The following GPHN variants were observed in gnomAD, a reference collection of about 807,000 sequenced individuals.
The protein encoded by GPHN is gephyrin.
Under a neutral mutation model 95.5 loss-of-function variants are expected in GPHN, and 17 were observed. The ratio of observed to expected loss-of-function variants is 0.18; its 90% CI spans 0.12 to 0.27. The LOEUF is 0.27. Ranked by LOEUF, GPHN falls within the 10% of genes least tolerant of loss-of-function variation. The pLI is 1.00. For missense variants in GPHN, 660 were observed against 978.1 expected, an observed-to-expected ratio of 0.67 and a Z score of 4.34; for synonymous variants, 320 against 322.5, an observed-to-expected ratio of 0.99 and a Z score of 0.08.
intron 8 of GPHN, among the ~76,000 whole-genome samples, chr14:66,933,109 A>G (rs2066914857): frequency 6.6e-6 from 1 of 152,242 alleles, no homozygotes; most frequent in African/African-American, 2.4e-5. Flanking sequence ...CAGTTTTATA[A>G]GTAGACTCAC....
chr14:67,551,941 T>C, the GPHN span, among the ~76,000 whole-genome samples: 5 of 152,186 alleles, frequency 3.3e-5, no homozygotes, highest in African/African-American at 4.8e-5. Flanking sequence ...GGTGTGGCTC[T>C]TGGCTCAGGC....
intron 18 of GPHN, among the ~76,000 whole-genome samples, chr14:67,152,571 T>G (rs1263408268): frequency 6.6e-6 from 1 of 152,216 alleles, no homozygotes; most frequent in Non-Finnish European, 1.5e-5. Flanking sequence ...TCAAGAATGC[T>G]GAAATAATTT....
intron 1 of GPHN, among the ~76,000 whole-genome samples, chr14:66,668,761 C>T (rs1410661700): frequency 6.6e-6 from 1 of 152,170 alleles, no homozygotes; most frequent in East Asian, 1.9e-4. Context: ...AACAAACCTT[C>T]ACATCCTGCA....
At chr14:67,125,338 A>G (rs1016362799) in intron 17 of GPHN, among the ~76,000 whole-genome samples, 9 of 152,200 alleles carry the variant, frequency 5.9e-5, no homozygotes, top group African/African-American at 2.2e-4. Flanking sequence ...ACCCTCCTTC[A>G]TTCTTCTTCA....
chr14:66,634,055 T>C lies in GPHN; in HGVS notation c.65-47052T>C, dbSNP rs570071878. 5.9e-5 allele frequency among the ~76,000 whole-genome samples: 9 copies of C among 152,190 alleles called. No homozygotes were observed. In the East Asian group the frequency reaches 1.7e-3, roughly 29 times the overall value. ...TTTATATGTGTTCTTTTGTATCTTGTAGAGTTTCCTTAGGATCATTATTAT... is the reference window on the plus strand; with the variant it reads ...TTTATATGTGTTCTTTTGTATCTTGCAGAGTTTCCTTAGGATCATTATTAT... On this transcript the variant is annotated intron_variant, in intron 1 of 22. Transcript: ENST00000478722.
At chr14:67,136,918 G>A (rs551746998) in intron 17 of GPHN, among the ~76,000 whole-genome samples, 1 of 152,204 alleles carries the variant, frequency 6.6e-6, no homozygotes, top group South Asian at 2.1e-4. Flanking sequence ...TAGGCGCAGT[G>A]GCTCATGCCT....
chr14:67,689,753 G>A, the GPHN span, among the ~76,000 whole-genome samples: 1 of 152,142 alleles, frequency 6.6e-6, no homozygotes, highest in Non-Finnish European at 1.5e-5. Flanking sequence ...AGACCACCCT[G>A]ACCAACATGG....
the GPHN span, among the ~76,000 whole-genome samples, chr14:67,326,820 T>C: frequency 3.9e-5 from 6 of 152,228 alleles, no homozygotes; most frequent in African/African-American, 1.4e-4. Context: ...TAATGCTGAG[T>C]AATATACTAT....
the GPHN span, among the ~76,000 whole-genome samples, chr14:67,458,885 T>C: frequency 2.6e-5 from 4 of 152,078 alleles, no homozygotes; most frequent in South Asian, 2.1e-4. Flanking sequence ...GCCTGGCTAA[T>C]GTTTTTTGTT....
chr14:66,615,198 A>C (rs541017548), intron 1 of GPHN, among the ~76,000 whole-genome samples: 7 of 152,290 alleles, frequency 4.6e-5, no homozygotes, highest in African/African-American at 1.4e-4. Flanking sequence ...TTATAGTAGA[A>C]TGATTTATAA....
At chr14:67,133,550 A>T (rs914963231) in intron 17 of GPHN, among the ~76,000 whole-genome samples, 1 of 152,170 alleles carries the variant, frequency 6.6e-6, no homozygotes, top group African/African-American at 2.4e-5. Flanking sequence ...TTTGAGGCAG[A>T]TGTAAATTTT....
At chr14:67,382,680 G>A in the GPHN span, 1 of 1,469,168 alleles carries the variant, frequency 6.8e-7, no homozygotes, top group Admixed American at 1.7e-5. Context: ...GCCTTGGAAT[G>A]TCATATTGTA....
chr14:66,603,749 G>T lies in GPHN; in HGVS notation c.65-77358G>T, dbSNP rs180886373. ...ATACTTGATAAGTTAGGTCACTTTT[G>T]TCACAAACAAAATTTTTAATTTTTT... On this transcript the variant is annotated intron_variant, in intron 1 of 22. Transcript: ENST00000478722. 3.3e-5 allele frequency among the ~76,000 whole-genome samples: 5 copies of T among 151,886 alleles called. No individual in the cohort carries two copies. The East Asian group carries it at 9.6e-4, about 29-fold the overall frequency.
chr14:66,544,680 AG>A (rs2059469711), intron 1 of GPHN, among the ~76,000 whole-genome samples: 1 of 151,914 alleles, frequency 6.6e-6, no homozygotes, highest in Non-Finnish European at 1.5e-5. Context: ...AGGGAAGGTC[AG>A]CAGATAAACA....
chr14:66,674,090 C>G (rs987721056), intron 1 of GPHN, among the ~76,000 whole-genome samples: 1 of 146,750 alleles, frequency 6.8e-6, no homozygotes, highest in Non-Finnish European at 1.5e-5. Context: ...GAGCTTACTC[C>G]TATTTTTCTT....
chr14:66,707,988 A>G (rs773627810), intron 2 of GPHN, among the ~76,000 whole-genome samples: 54 of 152,264 alleles, frequency 3.5e-4, no homozygotes, highest in African/African-American at 1.1e-3. Flanking sequence ...CTTATTAGCT[A>G]TAGTCACCCT....
At chr14:66,761,848 G>C (rs907736032) in intron 2 of GPHN, among the ~76,000 whole-genome samples, 2 of 152,050 alleles carry the variant, frequency 1.3e-5, no homozygotes, top group African/African-American at 4.8e-5. Flanking sequence ...TTTTAGTAGA[G>C]ACTGGGTTTC....
intron 1 of GPHN, among the ~76,000 whole-genome samples, chr14:66,644,922 AT>A (rs1447581941): frequency 2.0e-5 from 3 of 152,096 alleles, no homozygotes; most frequent in African/African-American, 7.2e-5. Context: ...TAAAATACTA[AT>A]TTAAATTTTG....
At chr14:67,642,484 T>C in the GPHN span, 11 of 1,178,262 alleles carry the variant, frequency 9.3e-6, no homozygotes, top group Non-Finnish European at 1.3e-5. Context: ...TTAGGGTAGA[T>C]ATTAAAATGA....
Sources: gnomAD v4.1 joint callset for allele counts (sites outside exome capture counted in the v4.1 genomes callset) on GRCh38, gnomAD v4.1.1 for gene constraint, MANE v1.5 for transcripts, NCBI Gene and HGNC (gene_info 2026-07-23, HGNC 2026-07-21) for gene names.